SYN2: variants seen among roughly 807,000 people sequenced by gnomAD.
The protein encoded by SYN2 is synapsin-2.
SYN2 carries 19 observed loss-of-function variants against 50.9 expected under a neutral mutation model. That is an observed-to-expected ratio of 0.37 (90% CI 0.26 to 0.55). SYN2 has a LOEUF of 0.55. Ranked by LOEUF, SYN2 falls within the 20% of genes least tolerant of loss-of-function variation. The pLI is 0.81. For synonymous variants in SYN2, 255 were observed against 224.9 expected (o/e 1.13, Z -1.20); for missense variants, 587 against 576.4 (o/e 1.02, Z -0.19).
intron 5 of SYN2, among the ~76,000 whole-genome samples, chr3:12,154,772 A>C (rs1697408164): frequency 6.6e-6 from 1 of 152,200 alleles, no homozygotes; most frequent in African/African-American, 2.4e-5. Flanking sequence ...TTACTAGCTG[A>C]ATGATCTTAA....
chr3:12,099,010 A>C (rs1486452882), intron 1 of SYN2, among the ~76,000 whole-genome samples: 1 of 152,016 alleles, frequency 6.6e-6, no homozygotes, highest in African/African-American at 2.4e-5. Flanking sequence ...TCTATCAAGA[A>C]GATGTAACAA....
At chr3:12,133,676 C>T (rs1696836272) in intron 1 of SYN2, among the ~76,000 whole-genome samples, 1 of 152,214 alleles carries the variant, frequency 6.6e-6, no homozygotes, top group Non-Finnish European at 1.5e-5. Flanking sequence ...ATCTTAAGCA[C>T]TGATTCATTC....
chr3:12,112,469 C>T (rs957357956), intron 1 of SYN2, among the ~76,000 whole-genome samples: 1 of 152,128 alleles, frequency 6.6e-6, no homozygotes, highest in African/African-American at 2.4e-5. Context: ...ACCTCCACAG[C>T]TATAGGGTAT....
intron 2 of SYN2, among the ~76,000 whole-genome samples, chr3:12,141,349 T>G (rs1697014020): frequency 6.6e-6 from 1 of 152,210 alleles, no homozygotes; most frequent in African/African-American, 2.4e-5. Context: ...ATACAGTGTG[T>G]TATGACTTAC....
At chr3:12,088,064 A>C (rs1574933153) in intron 1 of SYN2, among the ~76,000 whole-genome samples, 1 of 152,312 alleles carries the variant, frequency 6.6e-6, no homozygotes, top group Non-Finnish European at 1.5e-5. Flanking sequence ...AAAATACACA[A>C]TGAGATTGAA....
intron 11 of SYN2, chr3:12,185,140 T>C (rs1387403126): frequency 4.1e-6 from 4 of 985,760 alleles, no homozygotes; most frequent in Non-Finnish European, 3.6e-6. Flanking sequence ...GTTGTAAATA[T>C]ATACATATAT....
chr3:12,149,911 G>C (rs2125223719), intron 4 of SYN2, among the ~76,000 whole-genome samples: 1 of 152,228 alleles, frequency 6.6e-6, no homozygotes, highest in South Asian at 2.1e-4. Flanking sequence ...AAAGTTTGAG[G>C]AACTGATCAA....
chr3:12,129,563 C>T (rs1415089499), intron 1 of SYN2, among the ~76,000 whole-genome samples: 1 of 151,772 alleles, frequency 6.6e-6, no homozygotes, highest in Non-Finnish European at 1.5e-5. Flanking sequence ...TTCTGTGTAA[C>T]ATGGTGGGGA....
At position 12,004,890 on chromosome 3, in the gene SYN2, C is replaced by A; in HGVS notation, c.339C>A (p.Ala113=). 1.7e-6 allele frequency: 1 copy of A among 585,450 alleles called. No individual in the cohort carries two copies. The highest frequency in any genetic ancestry group is 3.1e-6 in the Non-Finnish European group (1 of 327,288). The allele number at this position is 585,450 out of a possible 1,614,324, so 36.3% of individuals were successfully genotyped here. A position where few individuals can be genotyped will look rare whatever the true frequency, so the allele number is the denominator to read the frequency against. ...CCGCGCCCGCAGCCGCCAGGAAGGC[C>A]AAGGTGCTGCTGGTGGTCGACGAGC... ...PAPAPAAARK[A]KVLLVVDEPH... Residue 113 remains alanine (A), a synonymous_variant, in exon 1 of 13, where the codon GCC becomes GCA. Transcript: ENST00000621198.
chr3:12,149,413 G>A (rs1323976475), intron 4 of SYN2, among the ~76,000 whole-genome samples: 1 of 152,244 alleles, frequency 6.6e-6, no homozygotes, highest in Non-Finnish European at 1.5e-5. Flanking sequence ...GAGAAGGCAG[G>A]AAAGGTCTGA....
chr3:12,015,214 C>A (rs1297278300), intron 1 of SYN2, among the ~76,000 whole-genome samples: 1 of 152,240 alleles, frequency 6.6e-6, no homozygotes, highest in African/African-American at 2.4e-5. Flanking sequence ...AGCATCAGGA[C>A]TTAATCCTTC....
chr3:12,189,584 G>A (rs113199053), intron 12 of SYN2, among the ~76,000 whole-genome samples: 37 of 152,190 alleles, frequency 2.4e-4, no homozygotes, highest in African/African-American at 8.7e-4. Flanking sequence ...AGAGGCGGAC[G>A]GATCATGAGG....
intron 1 of SYN2, among the ~76,000 whole-genome samples, chr3:12,126,344 T>TACA (rs1285622297): frequency 6.6e-6 from 1 of 152,216 alleles, no homozygotes; most frequent in Admixed American, 6.5e-5. Context: ...ATATTCTGTA[T>TACA]TATACGATAA....
At chr3:12,124,832 C>T (rs1018542909) in intron 1 of SYN2, among the ~76,000 whole-genome samples, 30 of 152,014 alleles carry the variant, frequency 2.0e-4, no homozygotes, top group Admixed American at 2.0e-3. Flanking sequence ...GAGTAGTTAT[C>T]CCTGGGGAAG....
chr3:12,050,202 C>G (rs1049974586), intron 1 of SYN2, among the ~76,000 whole-genome samples: 2 of 151,544 alleles, frequency 1.3e-5, no homozygotes, highest in Non-Finnish European at 3.0e-5. Context: ...AACCCAGCCT[C>G]GACAGTTCTT....
chr3:12,019,630 A>G (rs1019366897), intron 1 of SYN2, among the ~76,000 whole-genome samples: 5 of 152,092 alleles, frequency 3.3e-5, no homozygotes, highest in African/African-American at 1.2e-4. Context: ...AAAAAAATGC[A>G]CTCAACTTAA....
chr3:12,045,443 G>C (rs913170592), intron 1 of SYN2, among the ~76,000 whole-genome samples: 8 of 152,080 alleles, frequency 5.3e-5, no homozygotes. Flanking sequence ...TTTTTTTCTG[G>C]GTTAAATAAG....
At chr3:12,174,916 G>A (rs1361941999) in intron 10 of SYN2, among the ~76,000 whole-genome samples, 2 of 152,052 alleles carry the variant, frequency 1.3e-5, no homozygotes, top group Non-Finnish European at 2.9e-5. Context: ...GATTATTCTT[G>A]TCTATTTAAT....
chr3:12,037,544 T>G (rs147526839), intron 1 of SYN2, among the ~76,000 whole-genome samples: 39 of 152,272 alleles, frequency 2.6e-4, no homozygotes, highest in African/African-American at 9.1e-4. Flanking sequence ...AAACATCACA[T>G]GGTGTGTGAG....
Sources: gnomAD v4.1 joint callset for allele counts (sites outside exome capture counted in the v4.1 genomes callset) on GRCh38, gnomAD v4.1.1 for gene constraint, MANE v1.5 for transcripts, NCBI Gene and HGNC (gene_info 2026-07-23, HGNC 2026-07-21) for gene names.